The following POLD3 variants were observed in gnomAD, a reference collection of about 807,000 sequenced individuals.
The protein encoded by POLD3 is DNA polymerase delta 3, accessory subunit.
A neutral mutation model predicts 58.2 loss-of-function variants in POLD3; 19 were observed. The observed-to-expected ratio is 0.33, with a 90% CI of 0.23 to 0.48. The LOEUF (loss-of-function observed/expected upper bound fraction) is 0.48, where lower values mean the gene tolerates loss of function less well. Ranked by LOEUF, POLD3 falls within the 20% of genes least tolerant of loss-of-function variation. The pLI is 0.99. For missense variants in POLD3, 504 were observed against 545.5 expected (o/e 0.92, Z 0.76); for synonymous variants, 172 against 193.5 (o/e 0.89, Z 0.92).
chr11:74,640,995 T>C lies in POLD3; in HGVS notation c.*229T>C. ...TTCTAATGACATTTAAAAAGCACAG[T>C]CTTTGACCTGTCCAGGAGAAGGATT... On this transcript the variant is annotated 3_prime_UTR_variant, in exon 12 of 12. Coordinates refer to ENST00000263681, the MANE Select transcript of POLD3 (RefSeq NM_006591.3). The C allele has an allele frequency of 5.8e-6, 7 of 1,211,658 alleles. No homozygotes were observed. The highest frequency in any genetic ancestry group is 7.2e-6 in the Non-Finnish European group (7 of 974,754). The allele number at this position is 1,211,658 out of a possible 1,614,324, so 75.1% of individuals were successfully genotyped here.
rs926031048 is a variant in POLD3 at position 74,642,752 on chromosome 11, G to A, written c.*1986G>A. On this transcript the variant is annotated 3_prime_UTR_variant, in exon 12 of 12. Coordinates refer to ENST00000263681, the MANE Select transcript of POLD3 (RefSeq NM_006591.3). ...GTGCTTCAAACTGAGTATCTGATGA[G>A]TCTCTTATTTGATGGATGGTAACAG... 14 of 984,310 alleles carry A rather than the reference G, an allele frequency of 1.4e-5. No individual in the cohort carries two copies. The highest frequency in any genetic ancestry group is 1.1e-4 in the East Asian group (1 of 8,824). The allele number at this position is 984,310 out of a possible 1,614,324, so 61.0% of individuals were successfully genotyped here.
intron 3 of POLD3, among the ~76,000 whole-genome samples, chr11:74,606,432 T>C (rs1465642294): frequency 1.3e-5 from 2 of 152,232 alleles, no homozygotes; most frequent in Non-Finnish European, 2.9e-5. Context: ...AATCTAGTCA[T>C]ATTCAAGCCT....
chr11:74,601,067 TATAAG>T (rs1244879774), intron 2 of POLD3, among the ~76,000 whole-genome samples: 2 of 152,134 alleles, frequency 1.3e-5, no homozygotes, highest in African/African-American at 4.8e-5. Flanking sequence ...TTTCTGTTAA[TATAAG>T]AGAGAAGAAC....
At chr11:74,621,610 G>A (rs565838381) in intron 7 of POLD3, among the ~76,000 whole-genome samples, 1 of 152,230 alleles carries the variant, frequency 6.6e-6, no homozygotes, top group African/African-American at 2.4e-5. Context: ...AATAGATTGA[G>A]CACCTGCTAT....
chr11:74,618,442 T>C (rs929654533), intron 5 of POLD3, 95 bp from the exon 6 acceptor site: 9 of 863,690 alleles, frequency 1.0e-5, no homozygotes, highest in African/African-American at 5.1e-5. Flanking sequence ...GAAAATAAAG[T>C]TTTATACTGA....
intron 4 of POLD3, among the ~76,000 whole-genome samples, chr11:74,651,906 T>A (rs754440533): frequency 1.4e-4 from 22 of 152,140 alleles, no homozygotes; most frequent in Non-Finnish European, 2.9e-4. Context: ...TACTAGTACA[T>A]ACAGAGGGGA....
At chr11:74,630,485 A>G (rs1366137021) in intron 9 of POLD3, among the ~76,000 whole-genome samples, 1 of 152,354 alleles carries the variant, frequency 6.6e-6, no homozygotes, top group South Asian at 2.1e-4. Flanking sequence ...TTAGAATTAC[A>G]GCCTGTGATA....
chr11:74,646,020 C>T (rs1308144256), downstream of POLD3, among the ~76,000 whole-genome samples: 1 of 151,984 alleles, frequency 6.6e-6, no homozygotes, highest in African/African-American at 2.4e-5. Context: ...CTCACTGCAA[C>T]CTGTGCTTTC....
intron 4 of POLD3, among the ~76,000 whole-genome samples, chr11:74,612,047 A>G (rs145994108): frequency 1.7e-3 from 258 of 152,328 alleles, no homozygotes; most frequent in African/African-American, 6.0e-3. Context: ...TAAAACCTGT[A>G]CTGTTGTACT....
chr11:74,612,837 A>G (rs1247257613), intron 4 of POLD3, 41 bp from the exon 5 acceptor site: 2 of 1,574,246 alleles, frequency 1.3e-6, no homozygotes, highest in Non-Finnish European at 1.7e-6. Context: ...CATGCTATGA[A>G]GTTTGTGTAT....
In POLD3 at chr11:74,642,748, A is replaced by G; in HGVS notation, c.*1982A>G. 1.2e-5 allele frequency: 12 copies of G among 984,302 alleles called. No individual in the cohort carries two copies. The highest frequency in any genetic ancestry group is 1.3e-5 in the Non-Finnish European group (11 of 828,954). The allele number at this position is 984,302 out of a possible 1,614,324, so 61.0% of individuals were successfully genotyped here. A position where few individuals can be genotyped will look rare whatever the true frequency, so the allele number is the denominator to read the frequency against. On this transcript the variant is annotated 3_prime_UTR_variant, in exon 12 of 12. Coordinates refer to ENST00000263681, the MANE Select transcript of POLD3 (RefSeq NM_006591.3). ...AACAGTGCTTCAAACTGAGTATCTGATGAGTCTCTTATTTGATGGATGGTA... is the reference window on the plus strand; with the variant it reads ...AACAGTGCTTCAAACTGAGTATCTGGTGAGTCTCTTATTTGATGGATGGTA...
intron 3 of POLD3, among the ~76,000 whole-genome samples, chr11:74,610,006 G>T (rs2031852001): frequency 6.6e-6 from 1 of 152,070 alleles, no homozygotes; most frequent in Non-Finnish European, 1.5e-5. Context: ...TGTGTTTTAG[G>T]GTTACATTCC....
In POLD3 at chr11:74,636,296, C is replaced by T; in HGVS notation, c.1198+21C>T. ...CATAGGTAAGACAAATATTTGGCTC[C>T]AAATCCAGAGATAGAATCTCTTATT... On this transcript the variant is annotated intron_variant, in intron 11 of 11. Coordinates refer to ENST00000263681, the MANE Select transcript of POLD3 (RefSeq NM_006591.3). 7.5e-6 allele frequency: 12 copies of T among 1,610,564 alleles called. 1 individual carries two copies. The highest frequency in any genetic ancestry group is 1.0e-5 in the Non-Finnish European group (12 of 1,177,888).
intron 11 of POLD3, among the ~76,000 whole-genome samples, chr11:74,637,104 G>T (rs545455297): frequency 5.3e-5 from 8 of 152,114 alleles, no homozygotes; most frequent in African/African-American, 1.9e-4. Flanking sequence ...GCCTTTTGTG[G>T]CACCTGCTAC....
chr11:74,667,548 A>C (rs2033287041), intron 4 of POLD3, among the ~76,000 whole-genome samples: 1 of 151,780 alleles, frequency 6.6e-6, no homozygotes. Flanking sequence ...GGTAAATTTT[A>C]TGTCATGAAT....
chr11:74,597,445 G>A (rs1019715565), intron 2 of POLD3, among the ~76,000 whole-genome samples: 8 of 152,116 alleles, frequency 5.3e-5, no homozygotes, highest in Admixed American at 1.3e-4. Context: ...TCTACAGATC[G>A]TGTGCTTGTT....
At chr11:74,664,333 C>T (rs2033240485) in intron 4 of POLD3, among the ~76,000 whole-genome samples, 1 of 152,172 alleles carries the variant, frequency 6.6e-6, no homozygotes, top group South Asian at 2.1e-4. Flanking sequence ...CACTAATGTT[C>T]ATAGCAGCTT....
intron 4 of POLD3, among the ~76,000 whole-genome samples, chr11:74,660,334 T>C (rs1157959644): frequency 2.0e-5 from 3 of 152,176 alleles, no homozygotes; most frequent in Non-Finnish European, 4.4e-5. Flanking sequence ...TCAGTATTGA[T>C]ATCTTTCTCT....
intron 9 of POLD3, among the ~76,000 whole-genome samples, chr11:74,631,469 T>C (rs1285572151): frequency 6.8e-6 from 1 of 147,046 alleles, no homozygotes; most frequent in Non-Finnish European, 1.5e-5. Flanking sequence ...TCTTTTGTTT[T>C]GTCTTGTCTT....
Sources: allele counts gnomAD v4.1 joint callset (sites outside exome capture counted in the v4.1 genomes callset), GRCh38; gene constraint gnomAD v4.1.1; transcripts MANE v1.5; gene names NCBI Gene and HGNC (gene_info 2026-07-23, HGNC 2026-07-21).